The following PCDHGA2 variants were observed in gnomAD, a reference collection of about 807,000 sequenced individuals.
PCDHGA2 encodes the protein protocadherin gamma-A2.
PCDHGA2 carries 40 observed loss-of-function variants against 59.2 expected under a neutral mutation model. The ratio of observed to expected loss-of-function variants is 0.68; its 90% CI spans 0.52 to 0.88. The LOEUF is 0.88. PCDHGA2 is among the 40% of genes least tolerant of loss of function. The pLI is 0.00. For synonymous variants in PCDHGA2, 560 were observed against 526.0 expected, an observed-to-expected ratio of 1.06 and a Z score of -0.89; for missense variants, 1,226 against 1,204.0, an observed-to-expected ratio of 1.02 and a Z score of -0.27.
At chr5:141,440,115 A>G (rs921555018) in intron 1 of PCDHGA2, 4 of 152,250 alleles carry the variant, frequency 2.6e-5, no homozygotes, top group African/African-American at 4.8e-5. Flanking sequence ...TTACTTGTGA[A>G]TGACTGAATG....
rs57126813 is a variant in PCDHGA2 at position 141,341,391 on chromosome 5, C to T, written c.2420C>T (p.Ser807Phe). ...LLEEEREETFSQQAPPNTDWR... is the reference protein window; with the variant it reads ...LLEEEREETFFQQAPPNTDWR... Reference sequence around the variant, plus strand: ...GAAGAAGAAAGAGAAGAAACGTTTTCTCAGGTAATCTATCTTTTCACAACA... The same window carrying T: ...GAAGAAGAAAGAGAAGAAACGTTTTTTCAGGTAATCTATCTTTTCACAACA... Residue 807 changes from serine to phenylalanine, a missense_variant, in exon 1 of 4, where the codon TCT becomes TTT. Coordinates refer to ENST00000394576, the MANE Select transcript of PCDHGA2 (RefSeq NM_018915.4). The T allele has an allele frequency of 4.3e-6, 7 of 1,614,206 alleles. No individual in the cohort carries two copies. The highest frequency in any genetic ancestry group is 5.1e-6 in the Non-Finnish European group (6 of 1,180,046).
At chr5:141,405,218 G>C in intron 1 of PCDHGA2, 3 of 1,613,986 alleles carry the variant, frequency 1.9e-6, no homozygotes, top group Non-Finnish European at 2.5e-6. Context: ...CTATTCTCAG[G>C]AGTTCTCCCT....
chr5:141,418,916 T>C (rs766021059), intron 1 of PCDHGA2: 26 of 1,613,830 alleles, frequency 1.6e-5, no homozygotes, highest in Non-Finnish European at 1.7e-6. Context: ...CACGTCACTC[T>C]CTGATCAGAT....
chr5:141,438,122 A>T (rs1272350030), intron 1 of PCDHGA2, among the ~76,000 whole-genome samples: 1 of 152,214 alleles, frequency 6.6e-6, no homozygotes, highest in Non-Finnish European at 1.5e-5. Flanking sequence ...CATTCCTAAA[A>T]TATTAATGGC....
At chr5:141,509,908 G>A (rs376035312) in intron 3 of PCDHGA2, among the ~76,000 whole-genome samples, 1 of 152,164 alleles carries the variant, frequency 6.6e-6, no homozygotes, top group African/African-American at 2.4e-5. Flanking sequence ...TCCAGCATGC[G>A]CTTAGGTACA....
At chr5:141,367,223 C>G in intron 1 of PCDHGA2, 1 of 155,444 alleles carries the variant, frequency 6.4e-6, no homozygotes, top group Non-Finnish European at 1.4e-5. Flanking sequence ...TGGAAAGGTA[C>G]AGAGAACTTC....
intron 1 of PCDHGA2, chr5:141,427,830 C>G (rs749612858): frequency 7.8e-6 from 12 of 1,538,206 alleles, no homozygotes; most frequent in Non-Finnish European, 1.1e-5. Context: ...GGTCGCGCAG[C>G]GTGCCTTCGA....
At chr5:141,345,010 GT>G (rs1757504465) in intron 1 of PCDHGA2, 1 of 1,613,854 alleles carries the variant, frequency 6.2e-7, no homozygotes, top group Non-Finnish European at 8.5e-7. Context: ...GATGGACCAG[GT>G]CTTCTTTCAA....
chr5:141,351,481 C>T, intron 1 of PCDHGA2: 1 of 1,613,934 alleles, frequency 6.2e-7, no homozygotes, highest in Non-Finnish European at 8.5e-7. Flanking sequence ...GAGCCCTAAA[C>T]CGGGAGCAGA....
intron 1 of PCDHGA2, chr5:141,400,091 C>A: frequency 6.2e-7 from 1 of 1,614,072 alleles, no homozygotes; most frequent in Non-Finnish European, 8.5e-7. Context: ...GCCACCGCCA[C>A]GCTGCACTTG....
chr5:141,394,547 G>A, intron 1 of PCDHGA2: 8 of 1,614,098 alleles, frequency 5.0e-6, no homozygotes, highest in Non-Finnish European at 6.8e-6. Context: ...TGGAGCTGGC[G>A]CCCCGCTCCG....
At chr5:141,414,061 T>C in intron 1 of PCDHGA2, 1 of 1,609,248 alleles carries the variant, frequency 6.2e-7, no homozygotes, top group Non-Finnish European at 8.5e-7. Flanking sequence ...ATTGTTGAAG[T>C]TCCAACTAAA....
At chr5:141,351,084 C>T (rs2149760695) in intron 1 of PCDHGA2, 1 of 1,614,002 alleles carries the variant, frequency 6.2e-7, no homozygotes, top group Non-Finnish European at 8.5e-7. Context: ...GCAGAGATCA[C>T]CTATGCCTTC....
At position 141,511,124 on chromosome 5, in the gene PCDHGA2, C is replaced by A. The variant is rs752246201; in HGVS notation, c.2750C>A (p.Ala917Glu). The A allele has an allele frequency of 6.2e-7, 1 of 1,614,206 alleles. No homozygotes were observed. The highest frequency in any genetic ancestry group is 8.5e-7 in the Non-Finnish European group (1 of 1,180,022). ...AAGKRDGKAP[A>E]GGNGNKKKSG... The stretch of plus-strand genomic sequence containing the variant: ...GGCAAGCGGGATGGCAAGGCCCCAG[C>A]AGGTGGCAATGGCAACAAGAAGAAG... Residue 917 changes from alanine (A) to glutamate (E), a missense_variant, in exon 4 of 4, where the codon GCA becomes GAA. Coordinates refer to ENST00000394576, the MANE Select transcript of PCDHGA2 (RefSeq NM_018915.4).
chr5:141,357,267 C>T, intron 1 of PCDHGA2: 1 of 1,613,834 alleles, frequency 6.2e-7, no homozygotes, highest in Non-Finnish European at 8.5e-7. Context: ...ACTCGGGCCT[C>T]ACACTCTATC....
At chr5:141,372,128 G>C in intron 1 of PCDHGA2, 1 of 1,613,702 alleles carries the variant, frequency 6.2e-7, no homozygotes, top group Non-Finnish European at 8.5e-7. Context: ...TCGATATGGT[G>C]CCGCGCTCTG....
rs1761614217 is a variant in PCDHGA2 at position 141,360,492 on chromosome 5, A to G, written c.2424+19097A>G. On this transcript the variant is annotated intron_variant, in intron 1 of 3. Transcript: ENST00000394576. ...AAAATCCACTAAATATTTTCTACAT[A>G]GCAGTAATTGTGCAGGATATAAATG... 2.5e-6 allele frequency: 4 copies of G among 1,613,894 alleles called. No homozygotes were observed. In the Admixed American group the frequency reaches 6.7e-5, roughly 27 times the overall value.
intron 1 of PCDHGA2, chr5:141,413,835 C>T (rs762735722): frequency 1.9e-6 from 3 of 1,613,258 alleles, no homozygotes. Context: ...CCGCCTCCGA[C>T]GGGGGTGACC....
chr5:141,479,801 G>A (rs2099507037), intron 1 of PCDHGA2, among the ~76,000 whole-genome samples: 1 of 152,118 alleles, frequency 6.6e-6, no homozygotes, highest in Non-Finnish European at 1.5e-5. Flanking sequence ...AATTCAGGGT[G>A]GTATGCAAGG....
Sources: gnomAD v4.1 joint callset for allele counts (sites outside exome capture counted in the v4.1 genomes callset) on GRCh38, gnomAD v4.1.1 for gene constraint, MANE v1.5 for transcripts, NCBI Gene and HGNC (gene_info 2026-07-23, HGNC 2026-07-21) for gene names.